WDR93: variants seen among roughly 807,000 people sequenced by gnomAD.
WDR93 encodes WD repeat-containing protein 93.
In WDR93, 73 loss-of-function variants were observed where a neutral mutation model predicts 82.9. The ratio of observed to expected loss-of-function variants is 0.88; its 90% CI spans 0.73 to 1.07. The LOEUF (loss-of-function observed/expected upper bound fraction) is 1.07, where lower values mean the gene tolerates loss of function less well. Among genes scored for constraint, WDR93 ranks in the 50% least tolerant of loss-of-function variants. WDR93 has a pLI of 0.00. For missense variants in WDR93, 738 were observed against 826.0 expected (o/e 0.89, Z 1.31); for synonymous variants, 283 against 300.1 (o/e 0.94, Z 0.59).
At chr15:89,739,685 G>A (rs961927232) in intron 16 of WDR93, among the ~76,000 whole-genome samples, 16 of 152,214 alleles carry the variant, frequency 1.1e-4, no homozygotes, top group African/African-American at 3.4e-4. Context: ...CTCGTCCCGG[G>A]CCTGCCACTA....
At chr15:89,705,668 T>C in intron 4 of WDR93, 50 bp downstream of exon 4, 1 of 1,220,634 alleles carries the variant, frequency 8.2e-7, no homozygotes, top group Non-Finnish European at 1.2e-6. Flanking sequence ...TGTAGCAAAT[T>C]AAGTTTATTT....
chr15:89,697,013 G>C (rs948717775), intron 1 of WDR93, among the ~76,000 whole-genome samples: 7 of 151,936 alleles, frequency 4.6e-5, no homozygotes, highest in African/African-American at 1.2e-4. Context: ...CTGTTACTCA[G>C]GCTGTAGTGC....
At chr15:89,704,707 A>G (rs1431608951) in intron 3 of WDR93, 1 of 152,196 alleles carries the variant, frequency 6.6e-6, no homozygotes, top group African/African-American at 2.4e-5. Flanking sequence ...GCATCTAGGG[A>G]TATCTCTGTG....
chr15:89,738,278 T>C (rs764108100), intron 16 of WDR93, 42 bp downstream of exon 16: 1 of 1,527,268 alleles, frequency 6.5e-7, no homozygotes, highest in South Asian at 1.3e-5. Flanking sequence ...CATCTGAGGT[T>C]GTCTCTGGAT....
upstream of WDR93, chr15:89,690,649 G>A: frequency 6.5e-7 from 1 of 1,548,206 alleles, no homozygotes; most frequent in Non-Finnish European, 8.7e-7. Context: ...TAGCCCAAAG[G>A]CCACGAGTCG....
chr15:89,693,689 A>G (rs1965012156), intron 1 of WDR93, among the ~76,000 whole-genome samples: 1 of 152,258 alleles, frequency 6.6e-6, no homozygotes, highest in Admixed American at 6.5e-5. Context: ...GATCCCTGCC[A>G]TTATCCACCA....
Position 89,738,519 on chromosome 15 carries a change from C to T in WDR93, c.1961+283C>T, listed in dbSNP as rs183201059. On this transcript the variant is annotated intron_variant, in intron 16 of 16. Transcript: ENST00000268130. Reference sequence around the variant, plus strand: ...GTACATGCCTGTAATCCCAGCTACTCGGGAGGCTGAGGCAGGAGAATTGCT... The same window carrying T: ...GTACATGCCTGTAATCCCAGCTACTTGGGAGGCTGAGGCAGGAGAATTGCT... Among the ~76,000 whole-genome samples, 810 of 149,740 alleles carry T rather than the reference C, an allele frequency of 5.4e-3. 8 individuals carry two copies. Among genetic ancestry groups the T allele is most frequent in the African/African-American group, 0.019 (758 of 40,642 alleles).
intron 1 of WDR93, among the ~76,000 whole-genome samples, chr15:89,696,476 TTGGTGG>T (rs60440150): frequency 0.44 from 66,051 of 151,250 alleles, 14,868 homozygotes; most frequent in African/African-American, 0.5. Flanking sequence ...TGAACTTACA[TTGGTGG>T]TGGTGGTGGT....
At chr15:89,713,056 G>A (rs1021559682) in intron 5 of WDR93, among the ~76,000 whole-genome samples, 1 of 151,312 alleles carries the variant, frequency 6.6e-6, no homozygotes, top group African/African-American at 2.4e-5. Flanking sequence ...CCTGGGAGGC[G>A]GAGTTGCAGT....
At chr15:89,723,669 G>C (rs1966617316) in intron 8 of WDR93, among the ~76,000 whole-genome samples, 1 of 152,146 alleles carries the variant, frequency 6.6e-6, no homozygotes, top group African/African-American at 2.4e-5. Context: ...GGTGAATGAA[G>C]CAGGATACAG....
intron 13 of WDR93, among the ~76,000 whole-genome samples, chr15:89,734,896 T>C (rs1967034108): frequency 6.6e-6 from 1 of 152,218 alleles, no homozygotes; most frequent in Non-Finnish European, 1.5e-5. Flanking sequence ...AACAGTATAT[T>C]ATTTAGCTAT....
Position 89,738,224 on chromosome 15 carries a change from T to G in WDR93, c.1949T>G (p.Phe650Cys). ...ALPLEKRCER[F>C]LQKSYRKLEK... The stretch of plus-strand genomic sequence containing the variant: ...CCACTGGAGAAGAGATGTGAGCGTT[T>G]CCTCCAGAAGAGGTAAAGAGCTCTG... The change falls in exon 16 of 17, where the codon TTC (phenylalanine) becomes TGC (cysteine). Residue 650 changes from phenylalanine (F) to cysteine (C), a missense_variant. Phe to Cys is a radical substitution (Grantham distance 205, BLOSUM62 -2). Transcript: ENST00000268130. The G allele has an allele frequency of 2.5e-6, 4 of 1,610,456 alleles. No homozygotes were observed. The highest frequency in any genetic ancestry group is 3.4e-6 in the Non-Finnish European group (4 of 1,178,490).
chr15:89,726,951 A>G (rs908599677), intron 8 of WDR93, among the ~76,000 whole-genome samples: 5 of 152,224 alleles, frequency 3.3e-5, no homozygotes, highest in Non-Finnish European at 7.3e-5. Context: ...GAAGGAGGAC[A>G]GCAGCTGCTC....
intron 7 of WDR93, 71 bp downstream of exon 7, chr15:89,717,020 T>TTTTTC (rs1220378915): frequency 2.2e-6 from 2 of 919,114 alleles, no homozygotes; most frequent in South Asian, 2.2e-5. Context: ...AAAATTATTA[T>TTTTTC]TTTTCTTTTC....
chr15:89,696,080 G>T (rs946533395), intron 1 of WDR93, among the ~76,000 whole-genome samples: 1 of 152,032 alleles, frequency 6.6e-6, no homozygotes, highest in African/African-American at 2.4e-5. Context: ...GCCCCCCAAA[G>T]TGCTGAGATT....
intron 3 of WDR93, 185 bp downstream of exon 3, chr15:89,703,327 A>C (rs1341018745): frequency 1.5e-6 from 1 of 651,364 alleles, no homozygotes; most frequent in African/African-American, 1.8e-5. Context: ...CACATGTGCT[A>C]GCCCATTTAA....
intron 1 of WDR93, among the ~76,000 whole-genome samples, chr15:89,698,037 G>T (rs970613830): frequency 6.6e-6 from 1 of 151,132 alleles, no homozygotes; most frequent in African/African-American, 2.4e-5. Flanking sequence ...CTACCACCAC[G>T]CCCGGCTGAT....
chr15:89,703,820 G>A (rs1027841198), intron 3 of WDR93: 1 of 152,824 alleles, frequency 6.5e-6, no homozygotes, highest in Non-Finnish European at 1.5e-5. Context: ...GAGATCATCT[G>A]TGAAGGCATG....
At chr15:89,731,586 C>G (rs1966859342) in intron 12 of WDR93, 24 bp downstream of exon 12, 3 of 1,613,552 alleles carry the variant, frequency 1.9e-6, no homozygotes, top group South Asian at 1.1e-5. Context: ...GCCTCTCTAC[C>G]TAGTACCTGG....
Sources: gnomAD v4.1 joint callset for allele counts (sites outside exome capture counted in the v4.1 genomes callset) on GRCh38, gnomAD v4.1.1 for gene constraint, MANE v1.5 for transcripts, NCBI Gene and HGNC (gene_info 2026-07-23, HGNC 2026-07-21) for gene names.